CCDC175: variants seen among roughly 807,000 people sequenced by gnomAD.
CCDC175 encodes coiled-coil domain-containing protein 175.
Under a neutral mutation model 114.6 loss-of-function variants are expected in CCDC175, and 100 were observed. The ratio of observed to expected loss-of-function variants is 0.87; its 90% CI spans 0.74 to 1.03. The LOEUF (loss-of-function observed/expected upper bound fraction) is 1.03. Ranked by LOEUF, CCDC175 falls within the 50% of genes least tolerant of loss-of-function variation. The probability of loss-of-function intolerance (pLI) is 0.00; values close to 1 mark genes in which losing one functional copy is unlikely to be tolerated. For synonymous variants in CCDC175, 306 were observed against 308.7 expected (o/e 0.99, Z 0.09); for missense variants, 880 against 917.8 (o/e 0.96, Z 0.53).
intron 10 of CCDC175, among the ~76,000 whole-genome samples, chr14:59,541,590 C>G (rs1292001763): frequency 6.6e-6 from 1 of 152,178 alleles, no homozygotes; most frequent in African/African-American, 2.4e-5. Context: ...TATGGACTCT[C>G]AATTTCCTAC....
chr14:59,510,160 C>T (rs1427681171), intron 19 of CCDC175, among the ~76,000 whole-genome samples: 2 of 152,108 alleles, frequency 1.3e-5, no homozygotes, highest in African/African-American at 4.8e-5. Flanking sequence ...GAAGCTGATA[C>T]GCCTCTGGAG....
intron 2 of CCDC175, among the ~76,000 whole-genome samples, chr14:59,574,066 A>C (rs988516879): frequency 2.0e-5 from 3 of 152,222 alleles, no homozygotes; most frequent in Non-Finnish European, 4.4e-5. Context: ...TTTTCACAGC[A>C]CCACAGAGCT....
At chr14:59,506,342 C>T (rs1003257453) in intron 19 of CCDC175, among the ~76,000 whole-genome samples, 2 of 145,974 alleles carry the variant, frequency 1.4e-5, no homozygotes, top group African/African-American at 2.6e-5. Context: ...GCTGAAAGTG[C>T]AGTGATGCGA....
intron 8 of CCDC175, among the ~76,000 whole-genome samples, chr14:59,548,319 A>G (rs1214362587): frequency 6.6e-6 from 1 of 152,190 alleles, no homozygotes; most frequent in East Asian, 1.9e-4. Context: ...TGCTGGGAAA[A>G]AAAGGTAAAG....
At chr14:59,554,425 A>G (rs1190653466) in intron 7 of CCDC175, among the ~76,000 whole-genome samples, 1 of 152,250 alleles carries the variant, frequency 6.6e-6, no homozygotes, top group African/African-American at 2.4e-5. Flanking sequence ...AATGAGAACA[A>G]AGACACAACA....
At chr14:59,526,020 T>C (rs988137368) in intron 15 of CCDC175, among the ~76,000 whole-genome samples, 1 of 152,084 alleles carries the variant, frequency 6.6e-6, no homozygotes, top group Non-Finnish European at 1.5e-5. Context: ...TAAACAATTG[T>C]CCAGCAAAAA....
At chr14:59,563,696 T>C (rs892128340) in intron 6 of CCDC175, 41 bp downstream of exon 6, 2 of 1,226,618 alleles carry the variant, frequency 1.6e-6, no homozygotes, top group Admixed American at 4.1e-5. Flanking sequence ...TTGAGGTGCC[T>C]AGATAAGGCT....
intron 19 of CCDC175, among the ~76,000 whole-genome samples, chr14:59,505,808 A>G (rs189733540): frequency 6.6e-6 from 1 of 152,308 alleles, no homozygotes; most frequent in Non-Finnish European, 1.5e-5. Context: ...AGTGTATGGT[A>G]CTTTTGCTAA....
intron 17 of CCDC175, among the ~76,000 whole-genome samples, chr14:59,518,150 C>T (rs1173471374): frequency 6.6e-6 from 1 of 152,210 alleles, no homozygotes; most frequent in Non-Finnish European, 1.5e-5. Context: ...CCCTTCCTTA[C>T]ACCTTATACA....
rs1893436070 is a variant in CCDC175 at position 59,521,674 on chromosome 14, A to G, written c.1998T>C (p.Tyr666=). The G allele has an allele frequency of 6.8e-7, 1 of 1,471,598 alleles. No individual in the cohort carries two copies. 91.2% of individuals were successfully genotyped at this position (1,471,598 alleles called of 1,614,324 possible). Residue 666 remains tyrosine (Y), a splice_region_variant and synonymous_variant, in exon 17 of 20, where the codon TAT becomes TAC. Coordinates refer to ENST00000537690, the MANE Select transcript of CCDC175 (RefSeq NM_001164399.2). Reference sequence around the variant, plus strand: ...CTATGTTATTCTTCAAGTATAAAATATACTGAAAATTAAAAGCATGTGATT... The same window carrying G: ...CTATGTTATTCTTCAAGTATAAAATGTACTGAAAATTAAAAGCATGTGATT... The part of the protein sequence containing the change: ...LLLENKKLKE[Y]ILYLKNNIEK...
intron 17 of CCDC175, among the ~76,000 whole-genome samples, chr14:59,513,863 G>T (rs1352328396): frequency 6.6e-6 from 1 of 152,184 alleles, no homozygotes; most frequent in African/African-American, 2.4e-5. Context: ...TGGACAGACT[G>T]CCTCCTCAAG....
chr14:59,525,206 C>T (rs1893673509), intron 16 of CCDC175, 76 bp downstream of exon 16: 1 of 1,135,754 alleles, frequency 8.8e-7, no homozygotes, highest in Non-Finnish European at 1.2e-6. Context: ...CTATTCTCTT[C>T]TTTTCTCTTA....
At chr14:59,510,592 T>C in intron 19 of CCDC175, 54 bp downstream of exon 19, 2 of 1,505,816 alleles carry the variant, frequency 1.3e-6, no homozygotes, top group Non-Finnish European at 1.8e-6. Context: ...TTACCAGCTA[T>C]ATAGTAAAAT....
chr14:59,518,462 G>A (rs4420447), intron 17 of CCDC175, among the ~76,000 whole-genome samples: 148,982 of 152,244 alleles, frequency 0.98, 72,974 homozygotes, highest in East Asian at 1. Flanking sequence ...AATGAACTCA[G>A]ACAAATTTAC....
At chr14:59,555,024 T>C (rs1895790468) in intron 7 of CCDC175, among the ~76,000 whole-genome samples, 1 of 152,306 alleles carries the variant, frequency 6.6e-6, no homozygotes, top group Admixed American at 6.5e-5. Flanking sequence ...CACAGCAGAA[T>C]TCTACCAGAG....
intron 4 of CCDC175, among the ~76,000 whole-genome samples, chr14:59,565,808 C>T (rs1378119334): frequency 1.3e-5 from 2 of 152,146 alleles, no homozygotes; most frequent in African/African-American, 2.4e-5. Flanking sequence ...CCTTGCCTCG[C>T]CCCACCCGTC....
intron 13 of CCDC175, among the ~76,000 whole-genome samples, 173 bp downstream of exon 13, chr14:59,537,850 T>G (rs1894501260): frequency 6.6e-6 from 1 of 152,210 alleles, no homozygotes; most frequent in African/African-American, 2.4e-5. Flanking sequence ...AAATATTTCT[T>G]ATTGCTCTGC....
chr14:59,547,407 CT>C (rs2140058358), intron 8 of CCDC175, among the ~76,000 whole-genome samples: 1 of 151,534 alleles, frequency 6.6e-6, no homozygotes, highest in African/African-American at 2.4e-5. Context: ...AGCTGGAACA[CT>C]TTTGAAGAAC....
At chr14:59,566,591 G>A (rs901839985) in intron 4 of CCDC175, among the ~76,000 whole-genome samples, 6 of 152,082 alleles carry the variant, frequency 3.9e-5, no homozygotes, top group Non-Finnish European at 5.9e-5. Context: ...CTGGAGCCTC[G>A]GGGAAACAAA....
Sources: allele counts gnomAD v4.1 joint callset (sites outside exome capture counted in the v4.1 genomes callset), GRCh38; gene constraint gnomAD v4.1.1; transcripts MANE v1.5; gene names NCBI Gene and HGNC (gene_info 2026-07-23, HGNC 2026-07-21).